NUDT3: variants seen among roughly 807,000 people sequenced by gnomAD.
NUDT3 encodes the protein diphosphoinositol polyphosphate phosphohydrolase 1.
In NUDT3, 9 loss-of-function variants were observed where a neutral mutation model predicts 23.6. The ratio of observed to expected loss-of-function variants is 0.38; its 90% CI spans 0.23 to 0.66. NUDT3 has a LOEUF of 0.66. Among genes scored for constraint, NUDT3 ranks in the 30% least tolerant of loss-of-function variants. The pLI is 0.52. For synonymous variants in NUDT3, 86 were observed against 82.6 expected (o/e 1.04, Z -0.22); for missense variants, 172 against 218.5 (o/e 0.79, Z 1.34).
At position 34,392,578 on chromosome 6, in the gene NUDT3, T is replaced by C. The variant is rs2113777185; in HGVS notation, c.-216A>G. The C allele has an allele frequency of 1.2e-5, 4 of 340,698 alleles. No homozygotes were observed. The Admixed American group carries it at 1.5e-4, about 13-fold the overall frequency. 21.1% of individuals were successfully genotyped at this position (340,698 alleles called of 1,614,324 possible). A position where few individuals can be genotyped will look rare whatever the true frequency, so the allele number is the denominator to read the frequency against. ...GCCGCTGCCACCGTCACGGCTGCCG[T>C]CTCCGCTGCCGCCAGGGCCGCCGCC... On this transcript the variant is annotated 5_prime_UTR_variant, in exon 1 of 5. Transcript: ENST00000607016.
chr6:34,359,099 T>C (rs1189617104), intron 1 of NUDT3, among the ~76,000 whole-genome samples: 2 of 152,072 alleles, frequency 1.3e-5, no homozygotes, highest in Non-Finnish European at 2.9e-5. Flanking sequence ...TTCGGCCAGG[T>C]GCGGTGGCTC....
Position 34,341,762 on chromosome 6 carries a change from G to C in NUDT3, c.210+100C>G, listed in dbSNP as rs78744174. ...CATTCATTGCCCTTTTTCTGTGACT[G>C]TATATTTATTCAGTGAGTGCTGACA... On this transcript the variant is annotated intron_variant, in intron 2 of 4. Transcript: ENST00000607016. 1.4e-3 allele frequency: 1,366 copies of C among 1,001,730 alleles called. 6 individuals are homozygous for C. In the African/African-American group the frequency reaches 0.014, roughly 10 times the overall value. 62.1% of individuals were successfully genotyped at this position (1,001,730 alleles called of 1,614,324 possible). A position where few individuals can be genotyped will look rare whatever the true frequency, so the allele number is the denominator to read the frequency against.
chr6:34,374,682 G>A (rs1368379497), intron 1 of NUDT3, among the ~76,000 whole-genome samples: 3 of 151,968 alleles, frequency 2.0e-5, no homozygotes, highest in African/African-American at 7.3e-5. Flanking sequence ...ATTCGGAGAG[G>A]GTTCTTTTAC....
At chr6:34,343,818 G>A (rs1226020971) in intron 1 of NUDT3, among the ~76,000 whole-genome samples, 1 of 152,010 alleles carries the variant, frequency 6.6e-6, no homozygotes, top group Non-Finnish European at 1.5e-5. Flanking sequence ...CTACACAATG[G>A]GAGGAAATAT....
At chr6:34,348,745 C>T (rs955816338) in intron 1 of NUDT3, among the ~76,000 whole-genome samples, 69 of 152,018 alleles carry the variant, frequency 4.5e-4, no homozygotes, top group African/African-American at 1.6e-3. Context: ...CACTGTACTC[C>T]AGCCTGGGTG....
chr6:34,351,226 A>AAAAAAAAAAAAAAAAAAC (rs1554154786), intron 1 of NUDT3, among the ~76,000 whole-genome samples: 1 of 133,976 alleles, frequency 7.5e-6, no homozygotes, highest in African/African-American at 3.1e-5. Flanking sequence ...AAAAAAAAAA[A>AAAAAAAAAAAAAAAAAAC]CACTTTGGGA....
At chr6:34,290,247 T>C (rs375339914) in intron 4 of NUDT3, among the ~76,000 whole-genome samples, 36 of 143,718 alleles carry the variant, frequency 2.5e-4, no homozygotes, top group Middle Eastern at 3.5e-3. Flanking sequence ...CTTTCTCTCT[T>C]TTTTTTTTTT....
intron 1 of NUDT3, among the ~76,000 whole-genome samples, chr6:34,370,435 T>C (rs908079184): frequency 1.3e-5 from 2 of 152,164 alleles, no homozygotes; most frequent in Non-Finnish European, 2.9e-5. Flanking sequence ...ACAGAAGTAA[T>C]AGTGCCAGTC....
chr6:34,298,951 A>C (rs759425420), intron 2 of NUDT3, among the ~76,000 whole-genome samples: 2 of 152,230 alleles, frequency 1.3e-5, no homozygotes, highest in Non-Finnish European at 2.9e-5. Context: ...CAGTTCTTTA[A>C]AGTCATAGTG....
In NUDT3 at chr6:34,280,121, G is replaced by A. The variant is rs1763264621; in HGVS notation, c.*8632C>T. 1 of 152,204 alleles carries A rather than the reference G, an allele frequency of 6.6e-6. No homozygotes were observed. Among genetic ancestry groups the A allele is most frequent in the African/African-American group, 2.4e-5 (1 of 41,414 alleles). The allele number at this position is 152,204 out of a possible 1,614,324, so 9.4% of individuals were successfully genotyped here. On this transcript the variant is annotated 3_prime_UTR_variant, in exon 5 of 5. Coordinates refer to ENST00000607016, the MANE Select transcript of NUDT3 (RefSeq NM_006703.4). ...CCAGCCGCACCCATGAGAAGGAGGTGTGAAGGAAGCCTGAGGACATCCACC... is the reference window on the plus strand; with the variant it reads ...CCAGCCGCACCCATGAGAAGGAGGTATGAAGGAAGCCTGAGGACATCCACC...
Position 34,392,389 on chromosome 6 carries a change from G to A in NUDT3, c.-27C>T. On this transcript the variant is annotated 5_prime_UTR_variant, in exon 1 of 5. Coordinates refer to ENST00000607016, the MANE Select transcript of NUDT3 (RefSeq NM_006703.4). ...CTCCGGGCCCGGGTGGGGGTGCGGT[G>A]CGGGTCGCAGGAGTCGAGGGGTGGG... The A allele has an allele frequency of 3.2e-6, 5 of 1,576,754 alleles. No individual in the cohort carries two copies. Among genetic ancestry groups the A allele is most frequent in the Non-Finnish European group, 4.3e-6 (5 of 1,160,608 alleles).
chr6:34,295,246 G>T (rs1180132935), intron 3 of NUDT3, among the ~76,000 whole-genome samples: 1 of 151,968 alleles, frequency 6.6e-6, no homozygotes, highest in Non-Finnish European at 1.5e-5. Flanking sequence ...ACCGAGGTTG[G>T]GCATGGTGGC....
intron 2 of NUDT3, among the ~76,000 whole-genome samples, chr6:34,340,979 A>G (rs1276721933): frequency 6.6e-6 from 1 of 152,200 alleles, no homozygotes; most frequent in Non-Finnish European, 1.5e-5. Context: ...CAAAAGAAAC[A>G]TAGGAATTAG....
At chr6:34,338,599 C>A (rs1356461260) in intron 2 of NUDT3, among the ~76,000 whole-genome samples, 3 of 152,214 alleles carry the variant, frequency 2.0e-5, no homozygotes, top group African/African-American at 7.2e-5. Context: ...AACATTCAAT[C>A]AGTAAACAGC....
intron 1 of NUDT3, among the ~76,000 whole-genome samples, chr6:34,381,939 G>T (rs1252625393): frequency 6.6e-6 from 1 of 151,698 alleles, no homozygotes; most frequent in Non-Finnish European, 1.5e-5. Flanking sequence ...CAGGCTTGGT[G>T]GTGGACACCT....
chr6:34,291,282 T>C (rs1763418023), intron 4 of NUDT3, among the ~76,000 whole-genome samples: 1 of 152,168 alleles, frequency 6.6e-6, no homozygotes, highest in Non-Finnish European at 1.5e-5. Context: ...TAAATAATGC[T>C]ATTTTTTTAA....
intron 1 of NUDT3, among the ~76,000 whole-genome samples, chr6:34,371,143 T>A (rs2113759677): frequency 6.6e-6 from 1 of 150,588 alleles, no homozygotes; most frequent in East Asian, 2.0e-4. Flanking sequence ...AATACCGCTT[T>A]GCTGTGTCTT....
intron 1 of NUDT3, among the ~76,000 whole-genome samples, chr6:34,373,108 T>C (rs947534418): frequency 6.6e-6 from 1 of 151,538 alleles, no homozygotes; most frequent in Non-Finnish European, 1.5e-5. Flanking sequence ...TGAAACCCCA[T>C]CTCTACTAAG....
chr6:34,361,672 C>T (rs1326534670), intron 1 of NUDT3, among the ~76,000 whole-genome samples: 1 of 152,074 alleles, frequency 6.6e-6, no homozygotes, highest in East Asian at 1.9e-4. Context: ...GGTACAACCA[C>T]ATAAAGGAAT....
Sources: allele counts gnomAD v4.1 joint callset (sites outside exome capture counted in the v4.1 genomes callset), GRCh38; gene constraint gnomAD v4.1.1; transcripts MANE v1.5; gene names NCBI Gene and HGNC (gene_info 2026-07-23, HGNC 2026-07-21).